ZNF491: variants seen among roughly 807,000 people sequenced by gnomAD.
ZNF491 encodes the protein zinc finger protein 491.
Under a neutral mutation model 34.7 loss-of-function variants are expected in ZNF491, and 22 were observed. That is an observed-to-expected ratio of 0.63 (90% CI 0.45 to 0.90). The LOEUF is 0.90. Ranked by LOEUF, ZNF491 falls within the 40% of genes least tolerant of loss-of-function variation. The pLI is 0.00. For missense variants in ZNF491, 559 were observed against 531.7 expected (o/e 1.05, Z -0.51); for synonymous variants, 148 against 174.3 (o/e 0.85, Z 1.19).
Position 11,806,615 on chromosome 19 carries a change from G to T in ZNF491, c.662G>T (p.Gly221Val), listed in dbSNP as rs1052902231. ...AAGCCGTACAAATGTAAGGAATGTG[G>T]GAAAGCCTTCAATTGTCCCAGTTCT... is the stretch of plus-strand genomic sequence containing the variant. Reference protein sequence around the residue: ...GEKPYKCKECGKAFNCPSSFH... With the variant: ...GEKPYKCKECVKAFNCPSSFH... Residue 221 changes from glycine to valine, a missense_variant, in exon 3 of 3, where the codon GGG becomes GTG. Gly to Val is a moderately radical substitution (Grantham distance 109). Transcript: ENST00000323169. 1.9e-6 allele frequency: 3 copies of T among 1,614,014 alleles called. No homozygotes were observed. Among genetic ancestry groups the T allele is most frequent in the Middle Eastern group, 1.7e-4 (1 of 6,060 alleles).
chr19:11,799,928 T>TA (rs34687839), intron 1 of ZNF491, among the ~76,000 whole-genome samples: 26,554 of 145,376 alleles, frequency 0.18, 3,156 homozygotes, highest in African/African-American at 0.35. Flanking sequence ...GAGACTCTGT[T>TA]AAAAAAAAAA....
In ZNF491 at chr19:11,807,173, G is replaced by A. The variant is rs1289899355; in HGVS notation, c.1220G>A (p.Gly407Glu). 4 of 1,606,140 alleles carry A rather than the reference G, an allele frequency of 2.5e-6. No homozygotes were observed. The highest frequency in any genetic ancestry group is 3.4e-6 in the Non-Finnish European group (4 of 1,177,184). ...AGAATACATGAAAGAATTCACACTGGAGAGAAACCTTACCAATGTAAGGAA... is the reference window on the plus strand; with the variant it reads ...AGAATACATGAAAGAATTCACACTGAAGAGAAACCTTACCAATGTAAGGAA... ...YIRIHERIHT[G>E]EKPYQCKECG... The change falls in exon 3 of 3, where the codon GGA (glycine) becomes GAA (glutamate). Residue 407 changes from glycine (G) to glutamate (E), a missense_variant. Gly to Glu is a moderately conservative substitution (Grantham distance 98). Transcript: ENST00000323169.
intron 1 of ZNF491, among the ~76,000 whole-genome samples, chr19:11,801,283 TC>T (rs947028840): frequency 6.6e-6 from 1 of 152,216 alleles, no homozygotes; most frequent in Non-Finnish European, 1.5e-5. Context: ...TGGGTAAAAC[TC>T]CATGGCTGAT....
intron 1 of ZNF491, chr19:11,799,371 AAAGTTT>A (rs1467385290): frequency 6.6e-6 from 1 of 152,170 alleles, no homozygotes; most frequent in Admixed American, 6.6e-5. Flanking sequence ...TTCAAATTTA[AAAGTTT>A]AAGTTCTTGC....
rs1383730262 is a variant in ZNF491 at position 11,808,045 on chromosome 19, T to G, written c.*778T>G. 6.0e-6 allele frequency: 1 copy of G among 167,106 alleles called. No individual in the cohort carries two copies. The highest frequency in any genetic ancestry group is 1.5e-5 in the Non-Finnish European group (1 of 68,124). 10.4% of individuals were successfully genotyped at this position (167,106 alleles called of 1,614,324 possible). A position where few individuals can be genotyped will look rare whatever the true frequency, so the allele number is the denominator to read the frequency against. ...ATCTTTGATTATATGTGATTGACAA[T>G]GTGTATTTTTGAGGGAGCAAAGATT... On this transcript the variant is annotated 3_prime_UTR_variant, in exon 3 of 3. Transcript: ENST00000323169.
intron 1 of ZNF491, among the ~76,000 whole-genome samples, chr19:11,799,938 A>AG (rs1975541344): frequency 6.6e-6 from 1 of 151,998 alleles, no homozygotes; most frequent in African/African-American, 2.4e-5. Flanking sequence ...TAAAAAAAAA[A>AG]AAAATTAGTC....
Position 11,806,454 on chromosome 19 carries a change from C to T in ZNF491, c.501C>T (p.Ala167=). ...ATGAATGTAAACAATGTGGTAAAGCCTTCAGTTGGCACAGTTCTGTTCGAA... is the reference window on the plus strand; with the variant it reads ...ATGAATGTAAACAATGTGGTAAAGCTTTCAGTTGGCACAGTTCTGTTCGAA... The part of the protein sequence containing the change: ...KRYECKQCGK[A]FSWHSSVRIH... Residue 167 remains alanine (A), a synonymous_variant, in exon 3 of 3, where the codon GCC becomes GCT. Transcript: ENST00000323169. 6.2e-7 allele frequency: 1 copy of T among 1,613,422 alleles called. No homozygotes were observed.
At chr19:11,805,870 G>A in intron 2 of ZNF491, 77 bp from the exon 3 acceptor site, 1 of 1,216,638 alleles carries the variant, frequency 8.2e-7, no homozygotes, top group South Asian at 1.6e-5. Flanking sequence ...CATTAAAAAT[G>A]CAAGTGTAAT....
chr19:11,804,767 C>A, intron 2 of ZNF491, 100 bp downstream of exon 2: 2 of 492,712 alleles, frequency 4.1e-6, no homozygotes, highest in Non-Finnish European at 5.9e-6. Flanking sequence ...GGCAATCCTT[C>A]GATGAACAAA....
rs907759133 is a variant in ZNF491, at chr19:11,804,636, G to T, written c.-39G>T. On this transcript the variant is annotated 5_prime_UTR_variant, in exon 2 of 3. An upstream start codon of the reference 5' UTR is lost. Transcript: ENST00000323169. ...CAGAAGATCTCTACAGAGATGTGAT[G>T]CAGGAAACCTTCACGAACCTCATCT... The T allele has an allele frequency of 3.4e-6, 5 of 1,463,656 alleles. No individual in the cohort carries two copies. The African/African-American group carries it at 7.4e-5, about 22-fold the overall frequency. The allele number at this position is 1,463,656 out of a possible 1,614,324, so 90.7% of individuals were successfully genotyped here. A position where few individuals can be genotyped will look rare whatever the true frequency, so the allele number is the denominator to read the frequency against.
Position 11,806,476 on chromosome 19 carries a change from C to G in ZNF491, c.523C>G (p.Arg175Gly). The change falls in exon 3 of 3, where the codon CGA becomes GGA. Residue 175 changes from arginine (R) to glycine (G), a missense_variant. Arg to Gly is a moderately radical substitution (Grantham distance 125). Transcript: ENST00000323169. ...AGCCTTCAGTTGGCACAGTTCTGTT[C>G]GAATCCATGAAAGAACTCACACTGG... The part of the protein sequence containing the change: ...GKAFSWHSSV[R>G]IHERTHTGEK... The G allele has an allele frequency of 1.9e-6, 3 of 1,613,648 alleles. No homozygotes were observed. The highest frequency in any genetic ancestry group is 2.5e-6 in the Non-Finnish European group (3 of 1,179,872).
At chr19:11,799,264 A>G (rs1207375213) in intron 1 of ZNF491, 1 of 152,194 alleles carries the variant, frequency 6.6e-6, no homozygotes, top group Non-Finnish European at 1.5e-5. Flanking sequence ...ACCTGAAATA[A>G]AAGAATCAGA....
Position 11,807,307 on chromosome 19 carries a change from G to A in ZNF491, c.*40G>A. The A allele has an allele frequency of 7.0e-7, 1 of 1,433,302 alleles. No individual in the cohort carries two copies. 88.8% of individuals were successfully genotyped at this position (1,433,302 alleles called of 1,614,324 possible). On this transcript the variant is annotated 3_prime_UTR_variant, in exon 3 of 3. Transcript: ENST00000323169. ...TTTAATTTTTATTTTAATAGAGACAGGGTCTCACTATCTTGTCCAGGTTGG... is the reference window on the plus strand; with the variant it reads ...TTTAATTTTTATTTTAATAGAGACAAGGTCTCACTATCTTGTCCAGGTTGG...
intron 1 of ZNF491, among the ~76,000 whole-genome samples, chr19:11,801,522 G>A (rs1975559303): frequency 6.6e-6 from 1 of 152,184 alleles, no homozygotes; most frequent in Non-Finnish European, 1.5e-5. Flanking sequence ...GGGCATGGTG[G>A]TGCATGCCTA....
chr19:11,803,905 A>G (rs1975580339), intron 1 of ZNF491, among the ~76,000 whole-genome samples: 1 of 152,088 alleles, frequency 6.6e-6, no homozygotes, highest in South Asian at 2.1e-4. Context: ...GGAGGCTGGG[A>G]AGTCTAAGAT....
At chr19:11,801,610 G>A (rs970797008) in intron 1 of ZNF491, among the ~76,000 whole-genome samples, 5 of 152,112 alleles carry the variant, frequency 3.3e-5, no homozygotes, top group South Asian at 2.1e-4. Flanking sequence ...AACCAAGATC[G>A]CGCCATTGCC....
At position 11,804,596 on chromosome 19, in the gene ZNF491, T is replaced by A. The variant is rs1201186726; in HGVS notation, c.-79T>A. ...GAACTTCACCCAGGAGGAGTGGGCC[T>A]TGTTGAATCCTTTCCAGAAGATCTC... is the stretch of plus-strand genomic sequence containing the variant. On this transcript the variant is annotated 5_prime_UTR_variant, in exon 2 of 3. The change creates a new upstream start codon in the 5' untranslated region. Transcript: ENST00000323169. 2 of 1,543,274 alleles carry A rather than the reference T, an allele frequency of 1.3e-6. No homozygotes were observed. The highest frequency in any genetic ancestry group is 4.2e-5 in the Admixed American group (2 of 48,164).
chr19:11,806,052 A>G lies in ZNF491; in HGVS notation c.99A>G (p.Gly33=), dbSNP rs564679078. Residue 33 remains glycine (G), a synonymous_variant, in exon 3 of 3, where the codon GGA becomes GGG. Transcript: ENST00000323169. ...EDMLNKKTLP[G]VKSCESGTCG... is the part of the protein sequence containing the mutation. The stretch of plus-strand genomic sequence containing the variant: ...TGCTGAACAAGAAAACTCTTCCTGG[A>G]GTAAAATCATGTGAAAGTGGTACAT... 1 of 1,613,992 alleles carries G rather than the reference A, an allele frequency of 6.2e-7. No homozygotes were observed. Among genetic ancestry groups the G allele is most frequent in the Admixed American group, 1.7e-5 (1 of 60,000 alleles).
chr19:11,805,564 G>A (rs1975600594), intron 2 of ZNF491, among the ~76,000 whole-genome samples: 1 of 150,936 alleles, frequency 6.6e-6, no homozygotes, highest in African/African-American at 2.4e-5. Context: ...TGTTAAAAAT[G>A]CAGCTGGACA....
Sources: gnomAD v4.1 joint callset for allele counts (sites outside exome capture counted in the v4.1 genomes callset) on GRCh38, gnomAD v4.1.1 for gene constraint, MANE v1.5 for transcripts, NCBI Gene and HGNC (gene_info 2026-07-23, HGNC 2026-07-21) for gene names.